POLQ: variants seen among roughly 807,000 people sequenced by gnomAD.
POLQ encodes the protein DNA polymerase theta, also known as epididymis secretory sperm binding protein.
Under a neutral mutation model 259.2 loss-of-function variants are expected in POLQ, and 233 were observed. That is an observed-to-expected ratio of 0.90 (90% confidence interval 0.81 to 1.00). POLQ has a LOEUF of 1.00. Among genes scored for constraint, POLQ ranks in the 50% least tolerant of loss-of-function variants. The pLI, the probability that POLQ is intolerant of heterozygous loss-of-function variation, is 0.00. For missense variants in POLQ, 2,871 were observed against 3,051.6 expected, an observed-to-expected ratio of 0.94 and a Z score of 1.39; for synonymous variants, 1,025 against 1,048.8, an observed-to-expected ratio of 0.98 and a Z score of 0.44.
In POLQ at chr3:121,545,868, G is replaced by A. The variant is rs2048530578; in HGVS notation, c.10C>T (p.Leu4=). The change falls in exon 1 of 30, where the codon CTG becomes TTG. Residue 4 remains leucine (L), a synonymous_variant. Coordinates refer to ENST00000264233, the MANE Select transcript of POLQ (RefSeq NM_199420.4). MNL[L]RRSGKRRRSE... is the part of the protein sequence containing the mutation. ...CGCCGCCGTTTCCCACTCCGACGCA[G>A]AAGATTCATGGCAAACTCTTCTCGG... is the stretch of plus-strand genomic sequence containing the variant. 1 of 1,613,922 alleles carries A rather than the reference G, an allele frequency of 6.2e-7. No homozygotes were observed. Among genetic ancestry groups the A allele is most frequent in the Non-Finnish European group, 8.5e-7 (1 of 1,179,978 alleles).
At position 121,449,093 on chromosome 3, in the gene POLQ, T is replaced by G. The variant is rs937921403; in HGVS notation, c.7264+222A>C. On this transcript the variant is annotated intron_variant, in intron 26 of 29. Transcript: ENST00000264233. ...TTCACAGTGACACAGTAGATTCACA[T>G]CAACTACATTTTACTATTCTGTTCC... Among the ~76,000 whole-genome samples, 3 of 152,212 alleles carry G rather than the reference T, an allele frequency of 2.0e-5. No individual in the cohort carries two copies. In the South Asian group the frequency reaches 6.2e-4, roughly 32 times the overall value.
intron 7 of POLQ, among the ~76,000 whole-genome samples, chr3:121,528,509 A>C (rs541331004): frequency 1.3e-5 from 2 of 151,902 alleles, no homozygotes; most frequent in Admixed American, 1.3e-4. Context: ...ACACCCAGCT[A>C]ATTTTTTGTA....
chr3:121,436,818 C>T (rs765646056), intron 27 of POLQ, among the ~76,000 whole-genome samples: 6 of 151,396 alleles, frequency 4.0e-5, no homozygotes, highest in East Asian at 1.9e-4. Context: ...CTAGTGAAAA[C>T]GCACATCCTA....
At chr3:121,452,584 C>CA (rs2047688331) in intron 25 of POLQ, among the ~76,000 whole-genome samples, 1 of 150,478 alleles carries the variant, frequency 6.6e-6, no homozygotes, top group African/African-American at 2.4e-5. Flanking sequence ...GTGACACAAA[C>CA]AAAAACTGGT....
At position 121,432,401 on chromosome 3, in the gene POLQ, T is replaced by C; in HGVS notation, c.7676A>G (p.Lys2559Arg). 2 of 1,608,510 alleles carry C rather than the reference T, an allele frequency of 1.2e-6. No individual in the cohort carries two copies. The highest frequency in any genetic ancestry group is 1.3e-5 in the African/African-American group (1 of 74,638). The change falls in exon 30 of 30, where the codon AAG (lysine) becomes AGG (arginine). Residue 2559 changes from lysine to arginine, a missense_variant. By Grantham distance (26) the Lys-to-Arg change is conservative (BLOSUM62 2). Coordinates refer to ENST00000264233, the MANE Select transcript of POLQ (RefSeq NM_199420.4). The part of the protein sequence containing the change: ...EDVVQVAQIV[K>R]NEMESAVKLS... The stretch of plus-strand genomic sequence containing the variant: ...TTTTACAGCACTTTCCATTTCATTC[T>C]TGACAATCTGAGCTACCTAAGGAAA...
At chr3:121,507,306 G>A (rs1004490835) in intron 12 of POLQ, among the ~76,000 whole-genome samples, 15 of 152,306 alleles carry the variant, frequency 9.8e-5, no homozygotes, top group African/African-American at 2.9e-4. Context: ...AATGCTTTGA[G>A]CTAGGGGTCA....
At position 121,468,204 on chromosome 3, in the gene POLQ, CAT is replaced by C. The variant is rs1194722118; in HGVS notation, c.6845+99_6845+100del. ...AGGACAGAAATGGGTATGTCTGAAA[CAT>C]AAAATTAAATTAATTTCATTTATTT... is the stretch of plus-strand genomic sequence containing the variant. On this transcript the variant is annotated intron_variant, in intron 23 of 29. Coordinates refer to ENST00000264233, the MANE Select transcript of POLQ (RefSeq NM_199420.4). 2.9e-6 allele frequency: 3 copies of C among 1,024,382 alleles called. No individual in the cohort carries two copies. The African/African-American group carries it at 4.9e-5, about 17-fold the overall frequency. 63.5% of individuals were successfully genotyped at this position (1,024,382 alleles called of 1,614,324 possible).
chr3:121,489,259 A>G lies in POLQ; in HGVS notation c.3672T>C (p.Ser1224=). Residue 1224 remains serine (S), a synonymous_variant, in exon 16 of 30, where the codon AGT becomes AGC. Transcript: ENST00000264233. Reference sequence around the variant, plus strand: ...CATTTGAGTCTCTATTTATGTAACTACTGACTGCTTCACAGGGCATTTGTC... The same window carrying G: ...CATTTGAGTCTCTATTTATGTAACTGCTGACTGCTTCACAGGGCATTTGTC... ...IERQMPCEAV[S]SYINRDSNVT... 1 of 1,613,608 alleles carries G rather than the reference A, an allele frequency of 6.2e-7. No individual in the cohort carries two copies. The highest frequency in any genetic ancestry group is 8.5e-7 in the Non-Finnish European group (1 of 1,179,740).
rs1347948766 is a variant in POLQ at position 121,539,563 on chromosome 3, T to A, written c.501A>T (p.Lys167Asn). 6.2e-7 allele frequency: 1 copy of A among 1,612,858 alleles called. No homozygotes were observed. The highest frequency in any genetic ancestry group is 8.5e-7 in the Non-Finnish European group (1 of 1,179,078). The change falls in exon 4 of 30, where the codon AAA becomes AAT. Residue 167 changes from lysine (K) to asparagine (N), a missense_variant. Physicochemically the swap from Lys to Asn is moderately conservative, Grantham distance 94. Transcript: ENST00000264233. ...AGGTGCTGCCCATATAACCGTCTAC[T>A]TTTATTCCTACTTCCTGAAACAGAC... ...LQSLFQEVGIKVDGYMGSTSP... is the reference protein window; with the variant it reads ...LQSLFQEVGINVDGYMGSTSP...
chr3:121,527,215 C>T (rs755275847), intron 7 of POLQ, among the ~76,000 whole-genome samples: 2 of 152,272 alleles, frequency 1.3e-5, no homozygotes, highest in East Asian at 1.9e-4. Context: ...TATGCCCCAC[C>T]ACGCCTGGCT....
At chr3:121,538,239 G>A (rs544396707) in intron 4 of POLQ, among the ~76,000 whole-genome samples, 5 of 151,992 alleles carry the variant, frequency 3.3e-5, no homozygotes, top group Admixed American at 3.3e-4. Context: ...TGGTAAGCTA[G>A]TGAGTCATCA....
At chr3:121,520,939 T>C (rs1423030131) in intron 8 of POLQ, among the ~76,000 whole-genome samples, 2 of 152,206 alleles carry the variant, frequency 1.3e-5, no homozygotes, top group African/African-American at 2.4e-5. Flanking sequence ...ATAGAATATA[T>C]ACTTAGCTGG....
Position 121,545,743 on chromosome 3 carries a change from A to G in POLQ, c.135T>C (p.Leu45=). The G allele has an allele frequency of 1.9e-6, 3 of 1,589,900 alleles. No homozygotes were observed. The highest frequency in any genetic ancestry group is 2.6e-6 in the Non-Finnish European group (3 of 1,168,492). Residue 45 remains leucine, a synonymous_variant, in exon 1 of 30, where the codon CTT becomes CTC. Transcript: ENST00000264233. ...SGSVLSPPPG[L]GRCLKAAAAG... ...CAGCTGCGGCCTTCAGGCAGCGACC[A>G]AGGCCGGGCGGCGGGCTCAGCACGG...
chr3:121,515,451 G>A (rs1200270700), intron 9 of POLQ, among the ~76,000 whole-genome samples: 1 of 152,178 alleles, frequency 6.6e-6, no homozygotes, highest in African/African-American at 2.4e-5. Context: ...ATCTGGCCAA[G>A]GAATACACTC....
intron 20 of POLQ, among the ~76,000 whole-genome samples, chr3:121,475,740 C>G (rs962035453): frequency 6.6e-6 from 1 of 152,080 alleles, no homozygotes; most frequent in Non-Finnish European, 1.5e-5. Flanking sequence ...TATCAAAGGC[C>G]CTTTACTCTT....
At chr3:121,509,314 AT>A (rs2048233659) in intron 12 of POLQ, among the ~76,000 whole-genome samples, 1 of 152,120 alleles carries the variant, frequency 6.6e-6, no homozygotes, top group Admixed American at 6.5e-5. Context: ...AAAAATATAT[AT>A]TTTTTATAAA....
intron 8 of POLQ, among the ~76,000 whole-genome samples, chr3:121,521,257 C>T (rs919725754): frequency 3.9e-5 from 6 of 151,992 alleles, no homozygotes; most frequent in Admixed American, 1.3e-4. Flanking sequence ...TATACACTAC[C>T]GGCACTATAT....
intron 28 of POLQ, among the ~76,000 whole-genome samples, chr3:121,433,534 T>C (rs181246210): frequency 6.6e-6 from 1 of 152,290 alleles, no homozygotes; most frequent in Non-Finnish European, 1.5e-5. Flanking sequence ...AAACAAGTAA[T>C]TGTAAAACCT....
At chr3:121,437,947 G>A (rs2047557733) in intron 27 of POLQ, among the ~76,000 whole-genome samples, 6 of 152,130 alleles carry the variant, frequency 3.9e-5, no homozygotes, top group Admixed American at 3.9e-4. Context: ...AAACTATAGT[G>A]TTAGAAGTTA....
Sources: gnomAD v4.1 joint callset for allele counts (sites outside exome capture counted in the v4.1 genomes callset) on GRCh38, gnomAD v4.1.1 for gene constraint, MANE v1.5 for transcripts, NCBI Gene and HGNC (gene_info 2026-07-23, HGNC 2026-07-21) for gene names.